The following MAP2 variants were observed in gnomAD, a reference collection of about 807,000 sequenced individuals.
The protein encoded by MAP2 is microtubule-associated protein 2.
Under a neutral mutation model 137.6 loss-of-function variants are expected in MAP2, and 14 were observed. That is an observed-to-expected ratio of 0.10 (90% CI 0.07 to 0.16). The LOEUF (loss-of-function observed/expected upper bound fraction) is 0.16. MAP2 is among the 10% of genes least tolerant of loss of function. The pLI is 1.00. For missense variants in MAP2, 2,088 were observed against 2,191.5 expected (o/e 0.95, Z 0.94); for synonymous variants, 786 against 782.3 (o/e 1.00, Z -0.08).
At chr2:209,528,942 G>GTACATA (rs1301982549) in intron 2 of MAP2, among the ~76,000 whole-genome samples, 1 of 150,384 alleles carries the variant, frequency 6.6e-6, no homozygotes. Context: ...ACATACATAT[G>GTACATA]TACATATACA....
chr2:209,434,935 ATATATATGTGTTT>A (rs1559157724), intron 1 of MAP2, among the ~76,000 whole-genome samples: 19 of 143,664 alleles, frequency 1.3e-4, no homozygotes, highest in African/African-American at 4.2e-4. Flanking sequence ...TATATATGTT[ATATATATGTGTTT>A]TATATATATA....
chr2:209,725,596 T>C, intron 13 of MAP2, 113 bp from the exon 14 acceptor site: 1 of 517,894 alleles, frequency 1.9e-6, no homozygotes, highest in Non-Finnish European at 3.4e-6. Context: ...TTTGGGTTTC[T>C]AGCTATGTTG....
chr2:209,435,842 A>G (rs1695795211), intron 1 of MAP2, among the ~76,000 whole-genome samples: 1 of 149,538 alleles, frequency 6.7e-6, no homozygotes, highest in African/African-American at 2.4e-5. Context: ...GATGGGTGAG[A>G]GTTAGAAGCC....
intron 5 of MAP2, among the ~76,000 whole-genome samples, chr2:209,656,236 C>T (rs1467054947): frequency 6.6e-6 from 1 of 152,112 alleles, no homozygotes; most frequent in East Asian, 1.9e-4. Context: ...TTTAAATTGG[C>T]TGGGTGCAGT....
chr2:209,632,119 A>G (rs1006026728), intron 4 of MAP2, among the ~76,000 whole-genome samples: 1 of 152,206 alleles, frequency 6.6e-6, no homozygotes, highest in Non-Finnish European at 1.5e-5. Context: ...CTGAAGCAAA[A>G]GAAAATTGGA....
At chr2:209,664,235 T>C (rs140157749) in intron 5 of MAP2, among the ~76,000 whole-genome samples, 1 of 152,384 alleles carries the variant, frequency 6.6e-6, no homozygotes, top group Non-Finnish European at 1.5e-5. Flanking sequence ...TATGTGCTAA[T>C]ACATATTTTT....
At chr2:209,535,229 G>C (rs1464692630) in intron 2 of MAP2, among the ~76,000 whole-genome samples, 1 of 152,148 alleles carries the variant, frequency 6.6e-6, no homozygotes, top group Non-Finnish European at 1.5e-5. Flanking sequence ...GTGTTTTCAA[G>C]ATTCATCCAA....
intron 2 of MAP2, among the ~76,000 whole-genome samples, chr2:209,521,357 T>A (rs2063253286): frequency 6.6e-6 from 1 of 151,946 alleles, no homozygotes; most frequent in Admixed American, 6.6e-5. Context: ...TCAAAATACA[T>A]CAATTGATGG....
intron 2 of MAP2, among the ~76,000 whole-genome samples, chr2:209,550,199 T>C (rs990903870): frequency 1.3e-5 from 2 of 152,182 alleles, no homozygotes; most frequent in African/African-American, 4.8e-5. Flanking sequence ...TAAAATGTCA[T>C]ATTTAAAAAC....
chr2:209,432,712 G>A (rs1016689756), intron 1 of MAP2, among the ~76,000 whole-genome samples: 4 of 152,082 alleles, frequency 2.6e-5, no homozygotes, highest in African/African-American at 7.2e-5. Flanking sequence ...AGATTGTACA[G>A]AGTTTCTTAT....
At chr2:209,476,142 A>C (rs1269569134) in intron 1 of MAP2, among the ~76,000 whole-genome samples, 4 of 152,142 alleles carry the variant, frequency 2.6e-5, no homozygotes, top group African/African-American at 7.2e-5. Flanking sequence ...TACTTTAAAA[A>C]TGGGTATGAA....
intron 2 of MAP2, among the ~76,000 whole-genome samples, chr2:209,548,230 A>G (rs1032756083): frequency 6.6e-6 from 1 of 152,214 alleles, no homozygotes; most frequent in Non-Finnish European, 1.5e-5. Context: ...AGAACTTCTA[A>G]GGCAGTCCTA....
chr2:209,570,276 G>A (rs900564737), intron 2 of MAP2, among the ~76,000 whole-genome samples: 5 of 151,676 alleles, frequency 3.3e-5, no homozygotes, highest in Admixed American at 1.3e-4. Flanking sequence ...TTAGTTCTAT[G>A]TTTATCTCTT....
chr2:209,593,919 T>TA (rs201738760), intron 3 of MAP2, among the ~76,000 whole-genome samples: 8 of 123,538 alleles, frequency 6.5e-5, no homozygotes, highest in Non-Finnish European at 1.2e-4. Flanking sequence ...TATATTTATA[T>TA]TATTAAAATA....
intron 11 of MAP2, among the ~76,000 whole-genome samples, chr2:209,702,795 G>A (rs1467947039): frequency 1.3e-5 from 2 of 151,976 alleles, no homozygotes; most frequent in African/African-American, 4.8e-5. Context: ...AAGATACTGG[G>A]TCTATAAAAC....
At chr2:209,641,449 T>A (rs1311986746) in intron 4 of MAP2, among the ~76,000 whole-genome samples, 2 of 152,056 alleles carry the variant, frequency 1.3e-5, no homozygotes, top group Admixed American at 6.6e-5. Context: ...TTTTTCTCCT[T>A]ATAAAGAAAA....
At chr2:209,486,424 A>C (rs1053415057) in intron 1 of MAP2, among the ~76,000 whole-genome samples, 7 of 152,086 alleles carry the variant, frequency 4.6e-5, no homozygotes, top group African/African-American at 1.4e-4. Context: ...GGGTTTCTCC[A>C]TATTGGCCAG....
intron 4 of MAP2, among the ~76,000 whole-genome samples, chr2:209,638,607 A>T (rs1249792508): frequency 1.3e-5 from 2 of 152,154 alleles, no homozygotes; most frequent in East Asian, 3.9e-4. Context: ...GATGCTCCAC[A>T]GATGTAGTAG....
At chr2:209,674,695 G>C (rs2050473846) in intron 5 of MAP2, among the ~76,000 whole-genome samples, 1 of 151,694 alleles carries the variant, frequency 6.6e-6, no homozygotes, top group Admixed American at 6.6e-5. Flanking sequence ...AATCAGTGAA[G>C]AAATTACATA....
Sources: gnomAD v4.1 joint callset for allele counts (sites outside exome capture counted in the v4.1 genomes callset) on GRCh38, gnomAD v4.1.1 for gene constraint, MANE v1.5 for transcripts, NCBI Gene and HGNC (gene_info 2026-07-23, HGNC 2026-07-21) for gene names.